The following HECA variants were observed in gnomAD, a reference collection of about 807,000 sequenced individuals.
HECA encodes headcase protein homolog.
Under a neutral mutation model 37.6 loss-of-function variants are expected in HECA, and 13 were observed. The ratio of observed to expected loss-of-function variants is 0.35; its 90% CI spans 0.23 to 0.55. The LOEUF (loss-of-function observed/expected upper bound fraction) is 0.55. Among genes scored for constraint, HECA ranks in the 20% least tolerant of loss-of-function variants. HECA has a pLI of 0.90. For missense variants in HECA, 527 were observed against 701.9 expected (o/e 0.75, Z 2.82); for synonymous variants, 307 against 291.5 (o/e 1.05, Z -0.54).
At chr6:139,148,753 G>T (rs952207268) in intron 1 of HECA, among the ~76,000 whole-genome samples, 2 of 151,908 alleles carry the variant, frequency 1.3e-5, no homozygotes, top group Non-Finnish European at 2.9e-5. Flanking sequence ...GCATTAGAGG[G>T]AGACTCTGTC....
At chr6:139,149,597 G>A (rs143156410) in intron 1 of HECA, among the ~76,000 whole-genome samples, 9 of 152,264 alleles carry the variant, frequency 5.9e-5, no homozygotes, top group East Asian at 3.9e-4. Flanking sequence ...AGTGAATGCC[G>A]GTCTTCCAAA....
intron 1 of HECA, among the ~76,000 whole-genome samples, chr6:139,150,427 C>T (rs1774636362): frequency 6.7e-6 from 1 of 149,216 alleles, no homozygotes; most frequent in Non-Finnish European, 1.5e-5. Context: ...TTTTAATGTT[C>T]TGTGATATAT....
intron 2 of HECA, among the ~76,000 whole-genome samples, chr6:139,168,113 C>T (rs1312427596): frequency 6.6e-6 from 1 of 152,194 alleles, no homozygotes; most frequent in Non-Finnish European, 1.5e-5. Flanking sequence ...CCCAGACAAA[C>T]ATTTTCAAAT....
chr6:139,141,164 A>G (rs1774508568), intron 1 of HECA, among the ~76,000 whole-genome samples: 1 of 152,228 alleles, frequency 6.6e-6, no homozygotes, highest in Non-Finnish European at 1.5e-5. Context: ...TAATGAAATA[A>G]GCATCTTAGA....
At chr6:139,139,069 C>T (rs1338614156) in intron 1 of HECA, among the ~76,000 whole-genome samples, 2 of 152,124 alleles carry the variant, frequency 1.3e-5, no homozygotes, top group Non-Finnish European at 2.9e-5. Flanking sequence ...ATCTTAAGTA[C>T]TTTTATAAAT....
chr6:139,156,411 T>C (rs1406497470), intron 1 of HECA, among the ~76,000 whole-genome samples: 2 of 152,158 alleles, frequency 1.3e-5, no homozygotes, highest in Non-Finnish European at 1.5e-5. Flanking sequence ...GATCTCACCA[T>C]GTTGCCCAGG....
rs958647153 is a variant in HECA at position 139,179,056 on chromosome 6, AG to A, written c.*1952del. On this transcript the variant is annotated 3_prime_UTR_variant, in exon 4 of 4. Transcript: ENST00000367658. ...GGAAGAAATGCATAAAATGCCTATAAGAAGTAGAAAGTCATTGAACTGACAG... is the reference window on the plus strand; with the variant it reads ...GGAAGAAATGCATAAAATGCCTATAAAAGTAGAAAGTCATTGAACTGACAG... The A allele has an allele frequency of 2.6e-5, 4 of 152,210 alleles. No homozygotes were observed. Among genetic ancestry groups the A allele is most frequent in the Admixed American group, 1.3e-4 (2 of 15,282 alleles). 9.4% of individuals were successfully genotyped at this position (152,210 alleles called of 1,614,324 possible).
chr6:139,172,909 A>G (rs1048448674), intron 2 of HECA, among the ~76,000 whole-genome samples: 1 of 152,136 alleles, frequency 6.6e-6, no homozygotes, highest in Non-Finnish European at 1.5e-5. Context: ...CCCTCGGTTA[A>G]CTCTTAGTAA....
chr6:139,153,491 C>T (rs560046606), intron 1 of HECA, among the ~76,000 whole-genome samples: 310 of 151,482 alleles, frequency 2.0e-3, no homozygotes, highest in Middle Eastern at 0.02. Context: ...GGCGCGATCT[C>T]GGCTCACTGC....
intron 1 of HECA, among the ~76,000 whole-genome samples, chr6:139,137,720 T>C (rs1184101694): frequency 6.7e-6 from 1 of 150,170 alleles, no homozygotes; most frequent in East Asian, 2.0e-4. Flanking sequence ...CAATTTAAGG[T>C]GGCATGAGGA....
intron 1 of HECA, among the ~76,000 whole-genome samples, chr6:139,149,205 C>T (rs1774622887): frequency 6.6e-6 from 1 of 152,106 alleles, no homozygotes; most frequent in African/African-American, 2.4e-5. Flanking sequence ...AGCCTTTGTG[C>T]CTTCTCAGAT....
intron 1 of HECA, among the ~76,000 whole-genome samples, chr6:139,149,494 TGC>T (rs1774626311): frequency 6.6e-6 from 1 of 152,194 alleles, no homozygotes; most frequent in Admixed American, 6.5e-5. Context: ...TGTAATGTGG[TGC>T]AGTGTGGCTG....
At position 139,139,287 on chromosome 6, in the gene HECA, A is replaced by T. The variant is rs1582933488; in HGVS notation, c.271+3620A>T. Among the ~76,000 whole-genome samples, 4 of 152,376 alleles carry T rather than the reference A, an allele frequency of 2.6e-5. No individual in the cohort carries two copies. The South Asian group carries it at 8.3e-4, about 32-fold the overall frequency. On this transcript the variant is annotated intron_variant, in intron 1 of 3. Coordinates refer to ENST00000367658, the MANE Select transcript of HECA (RefSeq NM_016217.3). ...CAAATGACCTTGGGCAAGTCATTTA[A>T]CTTCTCTGAGCCTTGGTTTCTGCTT...
At chr6:139,164,109 T>G (rs955892543) in intron 1 of HECA, among the ~76,000 whole-genome samples, 5 of 146,522 alleles carry the variant, frequency 3.4e-5, no homozygotes, top group African/African-American at 1.0e-4. Flanking sequence ...CTGAGCATCT[T>G]CTCACACTGC....
intron 2 of HECA, among the ~76,000 whole-genome samples, chr6:139,167,925 A>G (rs1333093237): frequency 2.6e-5 from 4 of 152,162 alleles, no homozygotes; most frequent in African/African-American, 9.7e-5. Flanking sequence ...CATAAATTGA[A>G]TGACACGAGG....
chr6:139,151,271 A>G (rs1774646971), intron 1 of HECA: 1 of 152,180 alleles, frequency 6.6e-6, no homozygotes. Flanking sequence ...CAGGGCAGAA[A>G]AGGCCTGTGG....
At chr6:139,141,051 A>C (rs141254820) in intron 1 of HECA, among the ~76,000 whole-genome samples, 3,162 of 152,250 alleles carry the variant, frequency 0.021, 118 homozygotes, top group African/African-American at 0.072. Context: ...CGGCCTCCCA[A>C]AGTGCTGAGA....
chr6:139,154,618 G>A (rs1259769538), intron 1 of HECA, among the ~76,000 whole-genome samples: 2 of 152,234 alleles, frequency 1.3e-5, no homozygotes, highest in Non-Finnish European at 2.9e-5. Context: ...GCAGACAAGG[G>A]AAGGGGTAAA....
chr6:139,136,823 A>G (rs550604739), intron 1 of HECA, among the ~76,000 whole-genome samples: 2 of 151,818 alleles, frequency 1.3e-5, no homozygotes, highest in Non-Finnish European at 2.9e-5. Flanking sequence ...TTTAGTAGAG[A>G]CAGGGTTTCA....
Sources: allele counts gnomAD v4.1 joint callset (sites outside exome capture counted in the v4.1 genomes callset), GRCh38; gene constraint gnomAD v4.1.1; transcripts MANE v1.5; gene names NCBI Gene and HGNC (gene_info 2026-07-23, HGNC 2026-07-21).